Variants in CADM1 observed in about 807,000 individuals in gnomAD.
The protein encoded by CADM1 is cell adhesion molecule 1.
CADM1 carries 15 observed loss-of-function variants against 53.1 expected under a neutral mutation model. That is an observed-to-expected ratio of 0.28 (90% confidence interval 0.19 to 0.44). The LOEUF is 0.44. Among genes scored for constraint, CADM1 ranks in the 20% least tolerant of loss-of-function variants. The pLI, the probability that CADM1 is intolerant of heterozygous loss-of-function variation, is 1.00. For missense variants in CADM1, 434 were observed against 611.3 expected (o/e 0.71, Z 3.06); for synonymous variants, 281 against 243.0 (o/e 1.16, Z -1.45).
chr11:115,298,883 C>G (rs1944147145), intron 1 of CADM1, among the ~76,000 whole-genome samples: 1 of 152,110 alleles, frequency 6.6e-6, no homozygotes, highest in East Asian at 1.9e-4. Flanking sequence ...CGTGAGCAGC[C>G]CTTTGCACCA....
chr11:115,215,778 A>C (rs1193682150), intron 6 of CADM1, among the ~76,000 whole-genome samples: 1 of 152,196 alleles, frequency 6.6e-6, no homozygotes, highest in Non-Finnish European at 1.5e-5. Flanking sequence ...TTGTGCCTGA[A>C]AACTTTCATT....
At chr11:115,220,428 C>T (rs1023345070) in intron 5 of CADM1, among the ~76,000 whole-genome samples, 3 of 152,020 alleles carry the variant, frequency 2.0e-5, no homozygotes, top group African/African-American at 7.2e-5. Context: ...TTTTAAAAAC[C>T]ATTTACTAAA....
chr11:115,282,387 A>T (rs971977292), intron 1 of CADM1, among the ~76,000 whole-genome samples: 8 of 152,170 alleles, frequency 5.3e-5, no homozygotes, highest in Non-Finnish European at 7.3e-5. Context: ...ATGTGACGTG[A>T]TGACCTAGAT....
intron 9 of CADM1, among the ~76,000 whole-genome samples, chr11:115,195,573 C>T (rs1034997707): frequency 8.5e-5 from 13 of 152,188 alleles, no homozygotes; most frequent in African/African-American, 2.7e-4. Context: ...CAGATCACCA[C>T]AACAAACATC....
At chr11:115,258,713 G>A (rs1277042618) in intron 1 of CADM1, among the ~76,000 whole-genome samples, 3 of 152,106 alleles carry the variant, frequency 2.0e-5, no homozygotes, top group African/African-American at 7.2e-5. Flanking sequence ...TGAGTTCTTT[G>A]GAGCAAGTAC....
At chr11:115,383,531 T>C (rs781651140) in intron 1 of CADM1, among the ~76,000 whole-genome samples, 1 of 152,230 alleles carries the variant, frequency 6.6e-6, no homozygotes, top group Non-Finnish European at 1.5e-5. Context: ...CAAGTGTCGC[T>C]ACAGCATCGA....
intron 1 of CADM1, among the ~76,000 whole-genome samples, chr11:115,478,365 GA>G (rs1038794046): frequency 1.3e-4 from 19 of 151,308 alleles, no homozygotes; most frequent in Non-Finnish European, 2.4e-4. Flanking sequence ...AAAATGTGAA[GA>G]AAAAAAGGGG....
chr11:115,189,745 A>G (rs1469480358), intron 10 of CADM1, among the ~76,000 whole-genome samples: 1 of 152,190 alleles, frequency 6.6e-6, no homozygotes, highest in South Asian at 2.1e-4. Context: ...ATAAGTGTCA[A>G]CTGGGTACTT....
At chr11:115,217,758 CT>C (rs1391941912) in intron 6 of CADM1, 133 bp downstream of exon 6, 5 of 721,974 alleles carry the variant, frequency 6.9e-6, no homozygotes, top group Non-Finnish European at 1.3e-5. Context: ...ACTGAATATT[CT>C]TTAGTTCCTG....
chr11:115,294,501 C>A (rs1943995362), intron 1 of CADM1, among the ~76,000 whole-genome samples: 1 of 152,196 alleles, frequency 6.6e-6, no homozygotes, highest in South Asian at 2.1e-4. Flanking sequence ...CCTCAGCACT[C>A]TCCCTTTAAC....
intron 1 of CADM1, among the ~76,000 whole-genome samples, chr11:115,463,039 T>C (rs565678351): frequency 7.9e-5 from 12 of 152,300 alleles, no homozygotes; most frequent in African/African-American, 1.9e-4. Context: ...CACTTGGAGA[T>C]AGCTGGCAGG....
intron 1 of CADM1, among the ~76,000 whole-genome samples, chr11:115,283,768 G>A (rs1391442848): frequency 6.6e-6 from 1 of 152,192 alleles, no homozygotes; most frequent in Non-Finnish European, 1.5e-5. Context: ...ACTAGGCAAG[G>A]TCTGGGCAAG....
intron 1 of CADM1, among the ~76,000 whole-genome samples, chr11:115,431,397 A>G (rs1948046183): frequency 6.6e-6 from 1 of 152,020 alleles, no homozygotes; most frequent in African/African-American, 2.4e-5. Context: ...ACCCTAATAC[A>G]AGCCACTGTT....
At chr11:115,234,758 T>G (rs1293674329) in intron 3 of CADM1, among the ~76,000 whole-genome samples, 1 of 151,828 alleles carries the variant, frequency 6.6e-6, no homozygotes, top group African/African-American at 2.4e-5. Context: ...CCAGGTGAGG[T>G]GGCGGGCACT....
At chr11:115,492,411 A>G (rs567004834) in intron 1 of CADM1, among the ~76,000 whole-genome samples, 1 of 152,364 alleles carries the variant, frequency 6.6e-6, no homozygotes, top group African/African-American at 2.4e-5. Flanking sequence ...CACGTTAATG[A>G]GTTATATGTT....
At chr11:115,196,595 TA>T (rs61694033) in intron 9 of CADM1, among the ~76,000 whole-genome samples, 163 of 76,880 alleles carry the variant, frequency 2.1e-3, no homozygotes, top group African/African-American at 7.5e-3. Context: ...GCTGATGAAC[TA>T]AAAAAAAAAA....
At chr11:115,328,715 T>TATATACATATATATAC (rs1464724518) in intron 1 of CADM1, among the ~76,000 whole-genome samples, 1 of 54,766 alleles carries the variant, frequency 1.8e-5, no homozygotes, top group African/African-American at 6.1e-5. Flanking sequence ...TATATATATG[T>TATATACATATATATAC]GTATATATAT....
At chr11:115,445,710 A>T (rs1948434959) in intron 1 of CADM1, 1 of 436,472 alleles carries the variant, frequency 2.3e-6, no homozygotes, top group Non-Finnish European at 4.6e-6. Flanking sequence ...TGGGCGTGGT[A>T]GTGTGCACCT....
At chr11:115,250,542 AT>A (rs1448651979) in intron 1 of CADM1, among the ~76,000 whole-genome samples, 1 of 152,200 alleles carries the variant, frequency 6.6e-6, no homozygotes, top group African/African-American at 2.4e-5. Flanking sequence ...TATTCTCCAC[AT>A]GTATAGAGGC....
Sources: allele counts gnomAD v4.1 joint callset (sites outside exome capture counted in the v4.1 genomes callset), GRCh38; gene constraint gnomAD v4.1.1; transcripts MANE v1.5; gene names NCBI Gene and HGNC (gene_info 2026-07-23, HGNC 2026-07-21).